Variants in TTLL7 observed in about 807,000 individuals in gnomAD.
The protein encoded by TTLL7 is tubulin polyglutamylase TTLL7.
TTLL7 carries 53 observed loss-of-function variants against 120.2 expected under a neutral mutation model. That is an observed-to-expected ratio of 0.44 (90% CI 0.35 to 0.55). The LOEUF (loss-of-function observed/expected upper bound fraction) is 0.55, where lower values mean the gene tolerates loss of function less well. TTLL7 is among the 20% of genes least tolerant of loss of function. TTLL7 has a pLI of 0.00. For missense variants in TTLL7, 803 were observed against 1,054.7 expected, an observed-to-expected ratio of 0.76 and a Z score of 3.31; for synonymous variants, 353 against 351.7, an observed-to-expected ratio of 1.00 and a Z score of -0.04.
At chr1:83,957,802 T>C (rs1649659196) in intron 1 of TTLL7, among the ~76,000 whole-genome samples, 1 of 152,170 alleles carries the variant, frequency 6.6e-6, no homozygotes, top group Non-Finnish European at 1.5e-5. Flanking sequence ...AAGGACATAG[T>C]GAGAAGGCAG....
chr1:83,952,868 G>A (rs529571309), intron 1 of TTLL7, among the ~76,000 whole-genome samples: 2 of 152,150 alleles, frequency 1.3e-5, no homozygotes, highest in African/African-American at 4.8e-5. Flanking sequence ...GTCAATGCCA[G>A]AGTGTCTTAT....
At chr1:83,895,051 T>C (rs540329387) in intron 18 of TTLL7, among the ~76,000 whole-genome samples, 2 of 152,216 alleles carry the variant, frequency 1.3e-5, no homozygotes, top group African/African-American at 2.4e-5. Context: ...TAAACTTCTA[T>C]GTTTCACTTC....
intron 5 of TTLL7, chr1:83,947,495 AAC>A: frequency 2.2e-6 from 1 of 464,392 alleles, no homozygotes; most frequent in Non-Finnish European, 3.7e-6. Flanking sequence ...GAAAAAAAAA[AAC>A]AACCTTGCCC....
chr1:83,955,866 T>C (rs949288321), intron 1 of TTLL7, among the ~76,000 whole-genome samples: 1 of 152,062 alleles, frequency 6.6e-6, no homozygotes, highest in Non-Finnish European at 1.5e-5. Context: ...CCAGGCATGG[T>C]GGTGCCTGCC....
intron 1 of TTLL7, among the ~76,000 whole-genome samples, chr1:83,976,404 G>T (rs1006012808): frequency 5.3e-5 from 8 of 151,870 alleles, no homozygotes; most frequent in African/African-American, 1.9e-4. Context: ...TTTTTTATTG[G>T]AAAGGGCAGT....
chr1:83,888,301 T>C (rs1352611767), intron 19 of TTLL7, among the ~76,000 whole-genome samples: 1 of 152,006 alleles, frequency 6.6e-6, no homozygotes, highest in Non-Finnish European at 1.5e-5. Context: ...CAGGGAGCCA[T>C]CAACTAAGGG....
chr1:83,986,258 G>A (rs1652427520), intron 1 of TTLL7, among the ~76,000 whole-genome samples: 1 of 152,158 alleles, frequency 6.6e-6, no homozygotes, highest in Admixed American at 6.5e-5. Context: ...ATATGTATAA[G>A]TATGTGCTGT....
chr1:83,910,321 T>G (rs1273213466), intron 15 of TTLL7, among the ~76,000 whole-genome samples: 2 of 152,124 alleles, frequency 1.3e-5, no homozygotes, highest in Admixed American at 6.6e-5. Context: ...GTTCCTTTAG[T>G]GGAACCCTAG....
intron 10 of TTLL7, 89 bp downstream of exon 10, chr1:83,929,047 A>G: frequency 1.8e-6 from 1 of 551,042 alleles, no homozygotes; most frequent in African/African-American, 2.0e-5. Context: ...AAATAAATAT[A>G]CTATTCTGAA....
chr1:83,948,417 C>A (rs536572624), intron 5 of TTLL7, among the ~76,000 whole-genome samples: 1 of 152,116 alleles, frequency 6.6e-6, no homozygotes, highest in South Asian at 2.1e-4. Flanking sequence ...TGAGCTTGTG[C>A]AAGATATTCA....
intron 6 of TTLL7, 134 bp from the exon 7 acceptor site, chr1:83,942,813 A>G (rs1202309408): frequency 3.1e-6 from 2 of 636,874 alleles, no homozygotes; most frequent in East Asian, 2.8e-5. Context: ...AGCAATGAAG[A>G]GCAAAAGAAA....
At chr1:83,986,452 G>A (rs1013382388) in intron 1 of TTLL7, among the ~76,000 whole-genome samples, 2 of 152,084 alleles carry the variant, frequency 1.3e-5, no homozygotes, top group African/African-American at 4.8e-5. Context: ...GCATACTAAG[G>A]ACAGAGAGAA....
chr1:83,867,866 A>C lies in TTLL7; in HGVS notation c.*2096T>G, dbSNP rs1002085051. 2 of 152,110 alleles carry C rather than the reference A, an allele frequency of 1.3e-5. No homozygotes were observed. The highest frequency in any genetic ancestry group is 4.8e-5 in the African/African-American group (2 of 41,446). 9.4% of individuals were successfully genotyped at this position (152,110 alleles called of 1,614,324 possible). On this transcript the variant is annotated 3_prime_UTR_variant, in exon 21 of 21. Coordinates refer to ENST00000260505, the MANE Select transcript of TTLL7 (RefSeq NM_024686.6). Reference sequence around the variant, plus strand: ...TTTTGCATTATTTTTTCTAAAAAAAAATCCATAGCATATTTAAGAATTCAC... The same window carrying C: ...TTTTGCATTATTTTTTCTAAAAAAACATCCATAGCATATTTAAGAATTCAC...
chr1:83,903,085 A>G (rs561624411), intron 18 of TTLL7, among the ~76,000 whole-genome samples: 2 of 152,022 alleles, frequency 1.3e-5, no homozygotes, highest in South Asian at 4.2e-4. Flanking sequence ...TAACTTCTTT[A>G]CTCAAAATTT....
chr1:83,927,817 G>C (rs1659260299), intron 10 of TTLL7, among the ~76,000 whole-genome samples: 1 of 152,106 alleles, frequency 6.6e-6, no homozygotes. Flanking sequence ...AATTTTCCCA[G>C]TGTTCTTAGT....
intron 1 of TTLL7, among the ~76,000 whole-genome samples, chr1:83,988,273 A>G (rs1652666059): frequency 6.6e-6 from 1 of 152,150 alleles, no homozygotes; most frequent in African/African-American, 2.4e-5. Context: ...TATTTATCCA[A>G]TCCACCGCTG....
intron 18 of TTLL7, among the ~76,000 whole-genome samples, chr1:83,899,463 T>C (rs114572313): frequency 0.042 from 6,326 of 152,034 alleles, 155 homozygotes; most frequent in Middle Eastern, 0.099. Flanking sequence ...TTGGGCATCT[T>C]TGCAAGATAA....
intron 19 of TTLL7, among the ~76,000 whole-genome samples, chr1:83,885,805 C>T (rs1654923517): frequency 6.6e-6 from 1 of 152,060 alleles, no homozygotes. Flanking sequence ...AGTATTTCAA[C>T]TTTCAACACT....
At chr1:83,916,374 A>G (rs969823409) in intron 14 of TTLL7, among the ~76,000 whole-genome samples, 7 of 152,094 alleles carry the variant, frequency 4.6e-5, no homozygotes, top group African/African-American at 1.7e-4. Flanking sequence ...CATCATCCTC[A>G]GCAAACTATT....
Sources: gnomAD v4.1 joint callset for allele counts (sites outside exome capture counted in the v4.1 genomes callset) on GRCh38, gnomAD v4.1.1 for gene constraint, MANE v1.5 for transcripts, NCBI Gene and HGNC (gene_info 2026-07-23, HGNC 2026-07-21) for gene names.